Variants in PLXDC2 observed in about 807,000 individuals in gnomAD.
PLXDC2 encodes plexin domain-containing protein 2.
PLXDC2 carries 40 observed loss-of-function variants against 68.9 expected under a neutral mutation model. The observed-to-expected ratio is 0.58, with a 90% confidence interval of 0.45 to 0.76. PLXDC2 has a LOEUF of 0.76. PLXDC2 is among the 30% of genes least tolerant of loss of function. The pLI, the probability that PLXDC2 is intolerant of heterozygous loss-of-function variation, is 0.00. For synonymous variants in PLXDC2, 243 were observed against 234.2 expected, an observed-to-expected ratio of 1.04 and a Z score of -0.34; for missense variants, 644 against 661.9, an observed-to-expected ratio of 0.97 and a Z score of 0.30.
intron 2 of PLXDC2, among the ~76,000 whole-genome samples, chr10:20,003,720 C>T (rs1047327853): frequency 1.3e-5 from 2 of 152,226 alleles, no homozygotes; most frequent in African/African-American, 4.8e-5. Context: ...TCATGAGCCA[C>T]TGCACCCAGC....
intron 1 of PLXDC2, among the ~76,000 whole-genome samples, chr10:19,916,354 G>C (rs774789722): frequency 3.4e-4 from 48 of 142,872 alleles, no homozygotes; most frequent in Middle Eastern, 3.3e-3. Context: ...TCGCCACGTT[G>C]GCCAAACTGG....
chr10:20,039,613 G>A (rs1835642524), intron 2 of PLXDC2, among the ~76,000 whole-genome samples: 1 of 152,044 alleles, frequency 6.6e-6, no homozygotes, highest in African/African-American at 2.4e-5. Context: ...ATATGGCCTT[G>A]TGTCTCTTGA....
At chr10:20,061,401 G>A (rs1836100456) in intron 3 of PLXDC2, among the ~76,000 whole-genome samples, 1 of 152,056 alleles carries the variant, frequency 6.6e-6, no homozygotes, top group Non-Finnish European at 1.5e-5. Flanking sequence ...GTAGGTCTCT[G>A]TTTTTGGCAA....
rs182832103 is a variant in PLXDC2, at chr10:20,217,713, G to T, written c.1273+137G>T. On this transcript the variant is annotated intron_variant, in intron 11 of 13. Coordinates refer to ENST00000377252, the MANE Select transcript of PLXDC2 (RefSeq NM_032812.9). ...CTCTAAAGTTATTCTTTGGCAAACTGGATTTCTAAGGGATTTCCAAAGGGG... is the reference window on the plus strand; with the variant it reads ...CTCTAAAGTTATTCTTTGGCAAACTTGATTTCTAAGGGATTTCCAAAGGGG... 2.0e-4 allele frequency: 228 copies of T among 1,141,944 alleles called. 1 individual carries two copies. In the East Asian group the frequency reaches 7.1e-3, roughly 35 times the overall value. The allele number at this position is 1,141,944 out of a possible 1,614,324, so 70.7% of individuals were successfully genotyped here.
At chr10:20,238,372 TGCGGTG>T (rs1469939434) in intron 12 of PLXDC2, among the ~76,000 whole-genome samples, 5 of 150,440 alleles carry the variant, frequency 3.3e-5, no homozygotes, top group African/African-American at 1.2e-4. Flanking sequence ...CTTGGCCAGG[TGCGGTG>T]GCTCACACCC....
intron 13 of PLXDC2, among the ~76,000 whole-genome samples, chr10:20,275,787 C>G (rs1456080805): frequency 6.6e-6 from 1 of 152,072 alleles, no homozygotes; most frequent in Non-Finnish European, 1.5e-5. Context: ...GTGGCAGGCG[C>G]CTGTAATCCC....
rs951881426 is a variant in PLXDC2, at chr10:20,288,656, A to G, written c.*8837A>G. On this transcript the variant is annotated 3_prime_UTR_variant, in exon 14 of 14. Transcript: ENST00000377252. Reference sequence around the variant, plus strand: ...CTTACAGTCCATTAATTTGACATCCATCTTTTACCTGGGGATTATTACAAT... The same window carrying G: ...CTTACAGTCCATTAATTTGACATCCGTCTTTTACCTGGGGATTATTACAAT... 3.9e-5 allele frequency: 6 copies of G among 152,172 alleles called. No homozygotes were observed. The highest frequency in any genetic ancestry group is 4.1e-4 in the South Asian group (2 of 4,822). 9.4% of individuals were successfully genotyped at this position (152,172 alleles called of 1,614,324 possible). A position where few individuals can be genotyped will look rare whatever the true frequency, so the allele number is the denominator to read the frequency against.
intron 13 of PLXDC2, among the ~76,000 whole-genome samples, chr10:20,258,924 C>CAT (rs1340983083): frequency 1.3e-5 from 2 of 150,958 alleles, no homozygotes; most frequent in Non-Finnish European, 2.9e-5. Context: ...AGGAGAATGG[C>CAT]ATGAACCCGG....
intron 4 of PLXDC2, among the ~76,000 whole-genome samples, chr10:20,130,482 T>C (rs1833852589): frequency 6.6e-6 from 1 of 152,090 alleles, no homozygotes; most frequent in Non-Finnish European, 1.5e-5. Flanking sequence ...GGTTTGTCTT[T>C]TATTTCTTTT....
chr10:19,915,733 T>C (rs1393064957), intron 1 of PLXDC2, among the ~76,000 whole-genome samples: 1 of 152,124 alleles, frequency 6.6e-6, no homozygotes, highest in Non-Finnish European at 1.5e-5. Flanking sequence ...GCTGCTTGGT[T>C]CATTTGATTT....
At chr10:20,225,236 A>G (rs1432257506) in intron 12 of PLXDC2, among the ~76,000 whole-genome samples, 2 of 152,210 alleles carry the variant, frequency 1.3e-5, no homozygotes, top group Admixed American at 6.5e-5. Context: ...GAATACTTCT[A>G]AGCTTATATT....
intron 1 of PLXDC2, among the ~76,000 whole-genome samples, chr10:19,960,334 A>G: frequency 6.6e-6 from 1 of 152,112 alleles, no homozygotes. Context: ...ACTGCACTCC[A>G]GCTTGGGTGA....
At chr10:20,057,581 G>A (rs1246797016) in intron 3 of PLXDC2, among the ~76,000 whole-genome samples, 1 of 152,022 alleles carries the variant, frequency 6.6e-6, no homozygotes, top group Non-Finnish European at 1.5e-5. Context: ...CAGAGAATAG[G>A]CATCTTTTTT....
At chr10:19,877,896 A>G (rs1837662096) in intron 1 of PLXDC2, among the ~76,000 whole-genome samples, 2 of 152,228 alleles carry the variant, frequency 1.3e-5, no homozygotes, top group South Asian at 4.1e-4. Context: ...TCAATGGAGT[A>G]GCATGTCCTA....
At chr10:20,141,972 A>G (rs1834012794) in intron 4 of PLXDC2, among the ~76,000 whole-genome samples, 1 of 152,036 alleles carries the variant, frequency 6.6e-6, no homozygotes, top group South Asian at 2.1e-4. Flanking sequence ...TTTTAGATGA[A>G]TAGCTAGAGT....
intron 12 of PLXDC2, among the ~76,000 whole-genome samples, chr10:20,233,671 C>A (rs896226048): frequency 6.6e-6 from 1 of 152,276 alleles, no homozygotes; most frequent in African/African-American, 2.4e-5. Context: ...GCTGTGTGCT[C>A]TTTATCACCC....
chr10:20,097,065 G>A (rs568544959), intron 4 of PLXDC2, among the ~76,000 whole-genome samples: 1 of 152,188 alleles, frequency 6.6e-6, no homozygotes, highest in South Asian at 2.1e-4. Flanking sequence ...TGTGCCTTGG[G>A]ATTCGAGTTC....
At chr10:19,869,132 C>T (rs1837483604) in intron 1 of PLXDC2, among the ~76,000 whole-genome samples, 1 of 152,034 alleles carries the variant, frequency 6.6e-6, no homozygotes, top group African/African-American at 2.4e-5. Context: ...TGCGGTGGCT[C>T]ATGACTGTAA....
intron 4 of PLXDC2, among the ~76,000 whole-genome samples, chr10:20,133,404 C>A (rs1341665418): frequency 6.6e-6 from 1 of 152,118 alleles, no homozygotes; most frequent in Non-Finnish European, 1.5e-5. Context: ...GTGATGAACT[C>A]CCTCATCTTT....
Sources: gnomAD v4.1 joint callset for allele counts (sites outside exome capture counted in the v4.1 genomes callset) on GRCh38, gnomAD v4.1.1 for gene constraint, MANE v1.5 for transcripts, NCBI Gene and HGNC (gene_info 2026-07-23, HGNC 2026-07-21) for gene names.